The following TMX3 variants were observed in gnomAD, a reference collection of about 807,000 sequenced individuals.
The protein encoded by TMX3 is protein disulfide-isomerase TMX3.
Under a neutral mutation model 64.4 loss-of-function variants are expected in TMX3, and 40 were observed. That is an observed-to-expected ratio of 0.62 (90% confidence interval 0.48 to 0.81). TMX3 has a LOEUF of 0.81. TMX3 is among the 30% of genes least tolerant of loss of function. The pLI is 0.00. For missense variants in TMX3, 497 were observed against 534.5 expected, an observed-to-expected ratio of 0.93 and a Z score of 0.69; for synonymous variants, 189 against 175.7, an observed-to-expected ratio of 1.08 and a Z score of -0.60.
At chr18:68,680,727 C>T (rs1913337999) in intron 14 of TMX3, among the ~76,000 whole-genome samples, 1 of 152,102 alleles carries the variant, frequency 6.6e-6, no homozygotes, top group African/African-American at 2.4e-5. Context: ...ACCATGACAA[C>T]CAAAAATACC....
intron 10 of TMX3, chr18:68,687,115 A>C: frequency 3.0e-6 from 3 of 983,954 alleles, no homozygotes; most frequent in Non-Finnish European, 3.6e-6. Context: ...AATTTGCTAT[A>C]AATTTATAAA....
At chr18:68,682,004 C>G (rs1913483496) in intron 13 of TMX3, among the ~76,000 whole-genome samples, 1 of 152,166 alleles carries the variant, frequency 6.6e-6, no homozygotes, top group Non-Finnish European at 1.5e-5. Context: ...ATTGCCTCTT[C>G]CGGAAAATGT....
At chr18:68,714,794 G>T in intron 1 of TMX3, 142 bp downstream of exon 1, 1 of 1,173,528 alleles carries the variant, frequency 8.5e-7, no homozygotes, top group Non-Finnish European at 1.2e-6. Context: ...GGCGCGGCGG[G>T]GGCGGCAGGA....
chr18:68,708,027 G>GTA (rs1396146511), intron 4 of TMX3, among the ~76,000 whole-genome samples: 1 of 134,202 alleles, frequency 7.5e-6, no homozygotes, highest in Admixed American at 7.0e-5. Flanking sequence ...GTATATATGT[G>GTA]TATATGTGTA....
rs1278047683 is a variant in TMX3, at chr18:68,676,721, A to C, written c.*212T>G. 5 of 576,544 alleles carry C rather than the reference A, an allele frequency of 8.7e-6. No individual in the cohort carries two copies. Among genetic ancestry groups the C allele is most frequent in the Non-Finnish European group, 1.5e-5 (5 of 332,714 alleles). The allele number at this position is 576,544 out of a possible 1,614,324, so 35.7% of individuals were successfully genotyped here. On this transcript the variant is annotated 3_prime_UTR_variant, in exon 16 of 16. Coordinates refer to ENST00000299608, the MANE Select transcript of TMX3 (RefSeq NM_019022.5). ...ACAAAGATCAGGTAAATTTTGATGG[A>C]GTGCTCTGTGTTTGTTTCAGACAAA...
At chr18:68,693,068 TAAG>T (rs1448107873) in intron 8 of TMX3, among the ~76,000 whole-genome samples, 2 of 152,226 alleles carry the variant, frequency 1.3e-5, no homozygotes, top group Non-Finnish European at 2.9e-5. Context: ...CAAAAATGTA[TAAG>T]AAGTTCAGAT....
chr18:68,706,516 TA>T (rs2030684969), intron 4 of TMX3: 2 of 152,202 alleles, frequency 1.3e-5, no homozygotes. Flanking sequence ...TGTTCACCAG[TA>T]GGACTGGTGT....
At chr18:68,687,423 C>CT (rs1914069259) in intron 10 of TMX3, 3 of 985,328 alleles carry the variant, frequency 3.0e-6, no homozygotes, top group African/African-American at 1.7e-5. Context: ...ATTACCCAGG[C>CT]TTTTTGTTTT....
chr18:68,695,524 T>G (rs1292336847), intron 8 of TMX3, among the ~76,000 whole-genome samples: 1 of 152,186 alleles, frequency 6.6e-6, no homozygotes, highest in Non-Finnish European at 1.5e-5. Context: ...ACCCTCCATA[T>G]TTTCAACTTC....
chr18:68,702,738 C>T (rs2030237733), intron 4 of TMX3, among the ~76,000 whole-genome samples: 1 of 152,186 alleles, frequency 6.6e-6, no homozygotes, highest in Non-Finnish European at 1.5e-5. Context: ...GAAGCTACTA[C>T]ATCTGAATTC....
intron 10 of TMX3, among the ~76,000 whole-genome samples, chr18:68,686,387 T>C (rs945280690): frequency 2.9e-4 from 44 of 152,170 alleles, no homozygotes; most frequent in African/African-American, 1.0e-3. Flanking sequence ...TATTCCTACA[T>C]TTCCCCCTCT....
At position 68,707,939 on chromosome 18, in the gene TMX3, GTA is replaced by G. The variant is rs80315737; in HGVS notation, c.265+2080_265+2081del. 5.6e-4 allele frequency among the ~76,000 whole-genome samples: 84 copies of G among 150,818 alleles called. 1 individual carries two copies. Among genetic ancestry groups the G allele is most frequent in the East Asian group, 5.2e-3 (27 of 5,154 alleles). Reference sequence around the variant, plus strand: ...TATGTGTGTATATGTGTATATATGTGTATATATATGTGTATATATGTGTATAT... The same window carrying G: ...TATGTGTGTATATGTGTATATATGTGTATATATGTGTATATATGTGTATAT... On this transcript the variant is annotated intron_variant, in intron 4 of 15. Transcript: ENST00000299608.
chr18:68,698,530 C>T (rs1309387296), intron 6 of TMX3, among the ~76,000 whole-genome samples: 1 of 151,358 alleles, frequency 6.6e-6, no homozygotes, highest in Non-Finnish European at 1.5e-5. Flanking sequence ...GGTTAAAATC[C>T]AAAGAGTATA....
Position 68,675,826 on chromosome 18 carries a change from A to T in TMX3, c.*1107T>A, listed in dbSNP as rs952672370. 1 of 152,194 alleles carries T rather than the reference A, an allele frequency of 6.6e-6. No homozygotes were observed. Among genetic ancestry groups the T allele is most frequent in the Non-Finnish European group, 1.5e-5 (1 of 68,022 alleles). 9.4% of individuals were successfully genotyped at this position (152,194 alleles called of 1,614,324 possible). On this transcript the variant is annotated 3_prime_UTR_variant, in exon 16 of 16. Coordinates refer to ENST00000299608, the MANE Select transcript of TMX3 (RefSeq NM_019022.5). Reference sequence around the variant, plus strand: ...GAGAGGTCACTTGACGAAATGGGTGACAGAACTAAGACAATGGAGAAGGTA... The same window carrying T: ...GAGAGGTCACTTGACGAAATGGGTGTCAGAACTAAGACAATGGAGAAGGTA...
intron 13 of TMX3, chr18:68,681,648 C>G (rs1281371035): frequency 1.0e-6 from 1 of 985,130 alleles, no homozygotes; most frequent in Non-Finnish European, 1.2e-6. Context: ...CACTCCCTTC[C>G]TCGCTCAGTG....
In TMX3 at chr18:68,675,832, C is replaced by T. The variant is rs1388364312; in HGVS notation, c.*1101G>A. ...TCACTTGACGAAATGGGTGACAGAA[C>T]TAAGACAATGGAGAAGGTAACTGGC... On this transcript the variant is annotated 3_prime_UTR_variant, in exon 16 of 16. Coordinates refer to ENST00000299608, the MANE Select transcript of TMX3 (RefSeq NM_019022.5). 1.3e-5 allele frequency: 2 copies of T among 152,098 alleles called. No homozygotes were observed. Among genetic ancestry groups the T allele is most frequent in the Non-Finnish European group, 2.9e-5 (2 of 68,014 alleles). The allele number at this position is 152,098 out of a possible 1,614,324, so 9.4% of individuals were successfully genotyped here.
chr18:68,702,175 C>CAAA (rs375234012), intron 4 of TMX3, among the ~76,000 whole-genome samples: 661 of 44,024 alleles, frequency 0.015, 123 homozygotes, highest in African/African-American at 0.045. Context: ...TTACTCCTCT[C>CAAA]AAAAAAAAAA....
chr18:68,698,897 C>CGGGCGCG (rs1459929579), intron 6 of TMX3, among the ~76,000 whole-genome samples: 4 of 64,314 alleles, frequency 6.2e-5, no homozygotes, highest in Admixed American at 3.5e-4. Flanking sequence ...TAGCGGGCGC[C>CGGGCGCG]TGTAGTCCCA....
Position 68,714,967 on chromosome 18 carries a change from C to T in TMX3, c.15G>A (p.Lys5=), listed in dbSNP as rs867506615. 6 of 1,574,978 alleles carry T rather than the reference C, an allele frequency of 3.8e-6. No individual in the cohort carries two copies. Among genetic ancestry groups the T allele is most frequent in the South Asian group, 1.2e-5 (1 of 85,656 alleles). Reference sequence around the variant, plus strand: ...CGCAGAGCCGCAGGGCCGTCCAACTCTTCCACGCTGCCATGCTAGCCCGGG... The same window carrying T: ...CGCAGAGCCGCAGGGCCGTCCAACTTTTCCACGCTGCCATGCTAGCCCGGG... MAAW[K]SWTALRLCAT... Residue 5 remains lysine (K), a synonymous_variant, in exon 1 of 16, where the codon AAG becomes AAA. Coordinates refer to ENST00000299608, the MANE Select transcript of TMX3 (RefSeq NM_019022.5).
Sources: gnomAD v4.1 joint callset for allele counts (sites outside exome capture counted in the v4.1 genomes callset) on GRCh38, gnomAD v4.1.1 for gene constraint, MANE v1.5 for transcripts, NCBI Gene and HGNC (gene_info 2026-07-23, HGNC 2026-07-21) for gene names.